Variants in ZNF264 observed in about 807,000 individuals in gnomAD.
The protein encoded by ZNF264 is zinc finger protein 264.
ZNF264 carries 11 observed loss-of-function variants against 11.2 expected under a neutral mutation model. The ratio of observed to expected loss-of-function variants is 0.98; its 90% CI spans 0.62 to 1.63. The LOEUF is 1.63. Ranked by LOEUF, ZNF264 falls within the 40% of genes most tolerant of loss-of-function variation. ZNF264 has a pLI of 0.00. For synonymous variants in ZNF264, 309 were observed against 279.8 expected (o/e 1.10, Z -1.04); for missense variants, 752 against 768.1 (o/e 0.98, Z 0.25).
rs905471424 is a variant in ZNF264 at position 57,221,925 on chromosome 19, C to G, written c.*8944C>G. 1 of 152,112 alleles carries G rather than the reference C, an allele frequency of 6.6e-6. No homozygotes were observed. The highest frequency in any genetic ancestry group is 1.5e-5 in the Non-Finnish European group (1 of 68,024). 9.4% of individuals were successfully genotyped at this position (152,112 alleles called of 1,614,324 possible). ...TGCAAACTCAAAAGGATAGCAGTCT[C>G]CAACCTGCTGTTTTATACAGTGACT... is the stretch of plus-strand genomic sequence containing the variant. On this transcript the variant is annotated 3_prime_UTR_variant, in exon 4 of 4. Transcript: ENST00000263095.
At chr19:57,194,219 T>A in intron 2 of ZNF264, 1 of 602,056 alleles carries the variant, frequency 1.7e-6, no homozygotes, top group Non-Finnish European at 2.6e-6. Flanking sequence ...AAGGAGAAGG[T>A]GGTAAAAGGA....
chr19:57,209,384 G>A (rs779922482), intron 3 of ZNF264, among the ~76,000 whole-genome samples: 8 of 151,984 alleles, frequency 5.3e-5, no homozygotes, highest in East Asian at 3.9e-4. Flanking sequence ...TTCTAGCTTC[G>A]TTTCCTTAAT....
At position 57,219,982 on chromosome 19, in the gene ZNF264, T is replaced by C. The variant is rs1394948762; in HGVS notation, c.*7001T>C. 1.3e-5 allele frequency: 2 copies of C among 152,280 alleles called. No individual in the cohort carries two copies. The highest frequency in any genetic ancestry group is 4.8e-5 in the African/African-American group (2 of 41,484). The allele number at this position is 152,280 out of a possible 1,614,324, so 9.4% of individuals were successfully genotyped here. ...GTATGAGACATTGTTGTGAATGTTTTACATGCATCAGCTCTTTCAACATTT... is the reference window on the plus strand; with the variant it reads ...GTATGAGACATTGTTGTGAATGTTTCACATGCATCAGCTCTTTCAACATTT... On this transcript the variant is annotated 3_prime_UTR_variant, in exon 4 of 4. Transcript: ENST00000263095.
At position 57,216,687 on chromosome 19, in the gene ZNF264, G is replaced by C. The variant is rs888555533; in HGVS notation, c.*3706G>C. The C allele has an allele frequency of 6.0e-5, 9 of 150,082 alleles. No homozygotes were observed. Among genetic ancestry groups the C allele is most frequent in the African/African-American group, 2.2e-4 (9 of 41,140 alleles). 9.3% of individuals were successfully genotyped at this position (150,082 alleles called of 1,614,324 possible). A position where few individuals can be genotyped will look rare whatever the true frequency, so the allele number is the denominator to read the frequency against. On this transcript the variant is annotated 3_prime_UTR_variant, in exon 4 of 4. Coordinates refer to ENST00000263095, the MANE Select transcript of ZNF264 (RefSeq NM_003417.5). ...TTTGAACAGCATATACTCAGGCCAT[G>C]CTTTTTTTATTCATTCTGCATATGT... is the stretch of plus-strand genomic sequence containing the variant.
At chr19:57,199,158 T>C (rs2087233259) in intron 2 of ZNF264, among the ~76,000 whole-genome samples, 1 of 151,966 alleles carries the variant, frequency 6.6e-6, no homozygotes, top group Non-Finnish European at 1.5e-5. Flanking sequence ...TTGCCTTTGA[T>C]GGTTGAGTGC....
intron 2 of ZNF264, among the ~76,000 whole-genome samples, chr19:57,198,461 C>G (rs2087228277): frequency 6.6e-6 from 1 of 151,910 alleles, no homozygotes; most frequent in Non-Finnish European, 1.5e-5. Context: ...CTAATGGCTT[C>G]CATTTGGCCT....
At chr19:57,198,812 G>C (rs548295608) in intron 2 of ZNF264, among the ~76,000 whole-genome samples, 1 of 152,014 alleles carries the variant, frequency 6.6e-6, no homozygotes, top group Non-Finnish European at 1.5e-5. Flanking sequence ...GGAAGGATGA[G>C]AGAAAGATTA....
intron 2 of ZNF264, among the ~76,000 whole-genome samples, chr19:57,199,605 C>T (rs2087236422): frequency 6.6e-6 from 1 of 151,880 alleles, no homozygotes; most frequent in Admixed American, 6.6e-5. Flanking sequence ...CAGCCTGATG[C>T]ATCTGTATGT....
At chr19:57,202,490 T>A (rs1558117) in intron 2 of ZNF264, among the ~76,000 whole-genome samples, 80,064 of 151,506 alleles carry the variant, frequency 0.53, 23,064 homozygotes, top group African/African-American at 0.75. Context: ...GGCCTCAGGG[T>A]CAGGCCTCTG....
At chr19:57,209,631 C>T (rs907583840) in intron 3 of ZNF264, among the ~76,000 whole-genome samples, 21 of 152,136 alleles carry the variant, frequency 1.4e-4, no homozygotes, top group African/African-American at 5.1e-4. Context: ...AAGCTGGGTG[C>T]AGTGGCACAG....
chr19:57,211,859 T>A lies in ZNF264; in HGVS notation c.762T>A (p.Thr254=), dbSNP rs1412278688. The change falls in exon 4 of 4, where the codon ACT becomes ACA. Residue 254 remains threonine, a synonymous_variant. Transcript: ENST00000263095. ...TCCTGCAACATCACATGATCCACACTGGGGAGAGGCCCTATGAGTGCATGG... is the reference window on the plus strand; with the variant it reads ...TCCTGCAACATCACATGATCCACACAGGGGAGAGGCCCTATGAGTGCATGG... The part of the protein sequence containing the change: ...THLLQHHMIH[T]GERPYECMEC... 6.2e-7 allele frequency: 1 copy of A among 1,614,194 alleles called. No homozygotes were observed. The highest frequency in any genetic ancestry group is 8.5e-7 in the Non-Finnish European group (1 of 1,180,026).
chr19:57,205,609 TA>T, intron 3 of ZNF264, 117 bp downstream of exon 3: 1 of 863,130 alleles, frequency 1.2e-6, no homozygotes, highest in East Asian at 2.7e-5. Flanking sequence ...ATATAACTCT[TA>T]TATAACTCTA....
In ZNF264 at chr19:57,196,937, A is replaced by T. The variant is rs537316668; in HGVS notation, c.160+2936A>T. On this transcript the variant is annotated intron_variant, in intron 2 of 3. Transcript: ENST00000263095. ...CCATGGAAAGTGCACAGCGAGGTGC[A>T]CTGCTCCAAGTTCTGCCCACTGGGA... is the stretch of plus-strand genomic sequence containing the variant. Among the ~76,000 whole-genome samples, 6 of 152,062 alleles carry T rather than the reference A, an allele frequency of 3.9e-5. No homozygotes were observed. In the East Asian group the frequency reaches 7.7e-4, roughly 20 times the overall value.
At position 57,212,162 on chromosome 19, in the gene ZNF264, G is replaced by A. The variant is rs780869394; in HGVS notation, c.1065G>A (p.Arg355=). Reference sequence around the variant, plus strand: ...AGTGTGGCAAGGTCTTCAAACACAGGTCATATCTCATGTGGCACCAGCAGA... The same window carrying A: ...AGTGTGGCAAGGTCTTCAAACACAGATCATATCTCATGTGGCACCAGCAGA... ...CLECGKVFKH[R]SYLMWHQQTH... Residue 355 remains arginine (R), a synonymous_variant, in exon 4 of 4, where the codon AGG becomes AGA. Coordinates refer to ENST00000263095, the MANE Select transcript of ZNF264 (RefSeq NM_003417.5). The A allele has an allele frequency of 3.1e-6, 5 of 1,614,008 alleles. No homozygotes were observed. In the South Asian group the frequency reaches 5.5e-5, roughly 18 times the overall value.
At chr19:57,197,351 T>G (rs1307310794) in intron 2 of ZNF264, among the ~76,000 whole-genome samples, 1 of 151,866 alleles carries the variant, frequency 6.6e-6, no homozygotes, top group South Asian at 2.1e-4. Flanking sequence ...GCATGGTGAT[T>G]TGATGACCCA....
At chr19:57,202,315 C>T (rs925922641) in intron 2 of ZNF264, among the ~76,000 whole-genome samples, 3 of 151,848 alleles carry the variant, frequency 2.0e-5, no homozygotes, top group Non-Finnish European at 2.9e-5. Flanking sequence ...ATTTACAATT[C>T]GTGAAAGAAG....
chr19:57,211,508 A>C lies in ZNF264; in HGVS notation c.411A>C (p.Glu137Asp), dbSNP rs1307317862. 1 of 1,613,996 alleles carries C rather than the reference A, an allele frequency of 6.2e-7. No individual in the cohort carries two copies. The highest frequency in any genetic ancestry group is 2.2e-5 in the East Asian group (1 of 44,854). The change falls in exon 4 of 4, where the codon GAA (glutamate) becomes GAC (aspartate). Residue 137 changes from glutamate (E) to aspartate (D), a missense_variant. Transcript: ENST00000263095. ...AGGATGGGCTATCAGAAATGCAGGA[A>C]GGACACTTCAGACCAGGAATAGATC... ...EDQDGLSEMQEGHFRPGIDPQ... is the reference protein window; with the variant it reads ...EDQDGLSEMQDGHFRPGIDPQ...
chr19:57,202,227 T>G (rs2087258535), intron 2 of ZNF264, among the ~76,000 whole-genome samples: 1 of 151,492 alleles, frequency 6.6e-6, no homozygotes. Context: ...AGCAAATTTG[T>G]ACCCATGGGA....
rs546464431 is a variant in ZNF264 at position 57,200,022 on chromosome 19, A to C, written c.161-5375A>C. Among the ~76,000 whole-genome samples the C allele has an allele frequency of 1.2e-4, 18 of 151,580 alleles. No individual in the cohort carries two copies. The East Asian group carries it at 3.5e-3, about 29-fold the overall frequency. ...ACTCCTAAAAAAAAAAAAAGAAAAA[A>C]TGATGAACTCAGGGATTCTAACTCC... On this transcript the variant is annotated intron_variant, in intron 2 of 3. Transcript: ENST00000263095.
Sources: allele counts gnomAD v4.1 joint callset (sites outside exome capture counted in the v4.1 genomes callset), GRCh38; gene constraint gnomAD v4.1.1; transcripts MANE v1.5; gene names NCBI Gene and HGNC (gene_info 2026-07-23, HGNC 2026-07-21).